The following ADAM28 variants were observed in gnomAD, a reference collection of about 807,000 sequenced individuals.
ADAM28 encodes disintegrin and metalloproteinase domain-containing protein 28.
Under a neutral mutation model 101.2 loss-of-function variants are expected in ADAM28, and 105 were observed. That is an observed-to-expected ratio of 1.04 (90% CI 0.89 to 1.22). The LOEUF is 1.22. Ranked by LOEUF, ADAM28 falls within the 50% of genes most tolerant of loss-of-function variation. ADAM28 has a pLI of 0.00. For synonymous variants in ADAM28, 322 were observed against 310.6 expected, an observed-to-expected ratio of 1.04 and a Z score of -0.39; for missense variants, 1,028 against 945.4, an observed-to-expected ratio of 1.09 and a Z score of -1.15.
intron 15 of ADAM28, chr8:24,341,314 A>C (rs1585707628): frequency 6.8e-6 from 2 of 293,566 alleles, no homozygotes; most frequent in East Asian, 1.3e-4. Flanking sequence ...GCCACCTTCT[A>C]GAATTTGTGC....
intron 1 of ADAM28, chr8:24,296,024 A>G (rs1000263464): frequency 1.3e-5 from 2 of 152,224 alleles, no homozygotes; most frequent in Admixed American, 6.5e-5. Context: ...GAACTTCACA[A>G]TCCCGAGAAA....
chr8:24,346,814 CT>C (rs1815457993), intron 18 of ADAM28: 2 of 152,034 alleles, frequency 1.3e-5, no homozygotes, highest in African/African-American at 4.8e-5. Flanking sequence ...ATTAATCTTT[CT>C]TTTGTCATAA....
chr8:24,319,336 A>G (rs943054545), intron 6 of ADAM28, among the ~76,000 whole-genome samples: 6 of 151,994 alleles, frequency 3.9e-5, no homozygotes, highest in African/African-American at 1.2e-4. Flanking sequence ...TTCACATAGT[A>G]CTGGCCACCA....
chr8:24,323,816 T>C lies in ADAM28; in HGVS notation c.721-18T>C, dbSNP rs1249029677. The C allele has an allele frequency of 5.7e-6, 9 of 1,590,432 alleles. No individual in the cohort carries two copies. Among genetic ancestry groups the C allele is most frequent in the African/African-American group, 1.4e-5 (1 of 73,478 alleles). On this transcript the variant is annotated intron_variant, in intron 8 of 22. Coordinates refer to ENST00000265769, the MANE Select transcript of ADAM28 (RefSeq NM_014265.6). ...ACCATTATAATTAATTGCTTTGCCATTTATTTTCTTTGGACAGCTTTATAA... is the reference window on the plus strand; with the variant it reads ...ACCATTATAATTAATTGCTTTGCCACTTATTTTCTTTGGACAGCTTTATAA...
At chr8:24,352,871 A>G (rs28648580) in intron 21 of ADAM28, among the ~76,000 whole-genome samples, 5,759 of 152,188 alleles carry the variant, frequency 0.038, 143 homozygotes, top group East Asian at 0.07. Flanking sequence ...CTAATTACAA[A>G]GCCAGATTTT....
Position 24,351,414 on chromosome 8 carries a change from G to T in ADAM28, c.2178+104G>T, listed in dbSNP as rs776751705. On this transcript the variant is annotated intron_variant, in intron 20 of 22. Coordinates refer to ENST00000265769, the MANE Select transcript of ADAM28 (RefSeq NM_014265.6). ...TATCATTTCTACCCAGCAGCGTTTT[G>T]CAGTAACACATTCAGAAATGTCTCC... The T allele has an allele frequency of 8.2e-5, 100 of 1,215,536 alleles. 1 individual carries two copies. The highest frequency in any genetic ancestry group is 1.9e-4 in the Middle Eastern group (1 of 5,318). 75.3% of individuals were successfully genotyped at this position (1,215,536 alleles called of 1,614,324 possible).
At chr8:24,325,550 G>A (rs998070050) in intron 9 of ADAM28, among the ~76,000 whole-genome samples, 1 of 151,882 alleles carries the variant, frequency 6.6e-6, no homozygotes, top group South Asian at 2.1e-4. Flanking sequence ...GTAGAATGAA[G>A]TATAAATAAC....
In ADAM28 at chr8:24,351,289, A is replaced by G. The variant is rs1330593581; in HGVS notation, c.2157A>G (p.Val719=). ...PHKQKRKPQM[V]KAVQPQEMSQ... ...AACAGAAGAGGAAACCCCAGATGGT[A>G]AAGGCTGTTCAACCCCAAGAGGTGA... Residue 719 remains valine, a synonymous_variant, in exon 20 of 23, where the codon GTA becomes GTG. Transcript: ENST00000265769. 6 of 1,613,330 alleles carry G rather than the reference A, an allele frequency of 3.7e-6. No individual in the cohort carries two copies. The highest frequency in any genetic ancestry group is 5.1e-6 in the Non-Finnish European group (6 of 1,179,598).
rs539821371 is a variant in ADAM28, at chr8:24,326,526, G to A, written c.891-28G>A. 26 of 1,600,376 alleles carry A rather than the reference G, an allele frequency of 1.6e-5. No individual in the cohort carries two copies. The South Asian group carries it at 2.7e-4, about 16-fold the overall frequency. On this transcript the variant is annotated intron_variant, in intron 9 of 22. Transcript: ENST00000265769. Reference sequence around the variant, plus strand: ...AAAATAGAGCTTAGCATTATAATTTGTTACATCAATTTATTCCTTTCTTGC... The same window carrying A: ...AAAATAGAGCTTAGCATTATAATTTATTACATCAATTTATTCCTTTCTTGC...
chr8:24,356,241 T>TAAA lies in ADAM28; in HGVS notation c.*1837_*1838insAAA, dbSNP rs1563338644. 1.6e-4 allele frequency: 24 copies of TAAA among 152,142 alleles called. No individual in the cohort carries two copies. The highest frequency in any genetic ancestry group is 5.8e-4 in the African/African-American group (24 of 41,400). The allele number at this position is 152,142 out of a possible 1,614,324, so 9.4% of individuals were successfully genotyped here. A position where few individuals can be genotyped will look rare whatever the true frequency, so the allele number is the denominator to read the frequency against. ...ATCCCTATTTCCTGGAAAGCCATTA[T>TAAA]GTACTCGTGACCAACTTGTGAACTT... On this transcript the variant is annotated 3_prime_UTR_variant, in exon 23 of 23. Coordinates refer to ENST00000265769, the MANE Select transcript of ADAM28 (RefSeq NM_014265.6).
rs1206555249 is a variant in ADAM28, at chr8:24,353,919, A to AACTT, written c.2307+91_2307+94dup. 4 of 940,330 alleles carry AACTT rather than the reference A, an allele frequency of 4.3e-6. No individual in the cohort carries two copies. The African/African-American group carries it at 5.0e-5, about 12-fold the overall frequency. The allele number at this position is 940,330 out of a possible 1,614,324, so 58.2% of individuals were successfully genotyped here. A position where few individuals can be genotyped will look rare whatever the true frequency, so the allele number is the denominator to read the frequency against. ...GGCCCACCATGTCTTTTTAGAAAAA[A>AACTT]ACTTACTAAGAACAGTATCTGTATG... On this transcript the variant is annotated intron_variant, in intron 22 of 22. Transcript: ENST00000265769.
intron 21 of ADAM28, among the ~76,000 whole-genome samples, chr8:24,352,848 A>G (rs1816329474): frequency 6.6e-6 from 1 of 152,134 alleles, no homozygotes; most frequent in Admixed American, 6.6e-5. Flanking sequence ...TAAATGTTTT[A>G]TCCTTTTACT....
At chr8:24,318,630 C>A (rs1432525544) in intron 6 of ADAM28, among the ~76,000 whole-genome samples, 1 of 151,846 alleles carries the variant, frequency 6.6e-6, no homozygotes, top group East Asian at 1.9e-4. Flanking sequence ...CAAACAAAAC[C>A]TACTTCTCTC....
rs1431277064 is a variant in ADAM28 at position 24,325,411 on chromosome 8, G to A, written c.891-1143G>A. On this transcript the variant is annotated intron_variant, in intron 9 of 22. Transcript: ENST00000265769. ...AAAAGAGACCTATACTTAGGTATAA[G>A]TAGGTTAAAAAAATTAGAGTCCGAA... 2.6e-5 allele frequency among the ~76,000 whole-genome samples: 4 copies of A among 151,896 alleles called. No individual in the cohort carries two copies. In the East Asian group the frequency reaches 7.7e-4, roughly 29 times the overall value.
chr8:24,337,707 G>C (rs370137398), intron 14 of ADAM28, among the ~76,000 whole-genome samples: 54 of 152,258 alleles, frequency 3.5e-4, no homozygotes, highest in East Asian at 2.1e-3. Flanking sequence ...AATTCACAGA[G>C]GATCACGTAT....
At chr8:24,346,049 A>T (rs914148505) in intron 18 of ADAM28, among the ~76,000 whole-genome samples, 1 of 152,084 alleles carries the variant, frequency 6.6e-6, no homozygotes, top group African/African-American at 2.4e-5. Flanking sequence ...AGACTGAGGA[A>T]CATTTCCTAG....
rs1413643250 is a variant in ADAM28, at chr8:24,355,024, T to C, written c.*620T>C. The C allele has an allele frequency of 6.6e-6, 1 of 152,560 alleles. No individual in the cohort carries two copies. 9.5% of individuals were successfully genotyped at this position (152,560 alleles called of 1,614,324 possible). On this transcript the variant is annotated 3_prime_UTR_variant, in exon 23 of 23. Transcript: ENST00000265769. ...GTTTTCACTTTTTAAATGGAGAAAA[T>C]TTCAGTTAAATTAATAGGATAAACC... is the stretch of plus-strand genomic sequence containing the variant.
chr8:24,310,441 G>A (rs541538426), intron 4 of ADAM28, 200 bp downstream of exon 4: 166 of 491,576 alleles, frequency 3.4e-4, no homozygotes, highest in African/African-American at 2.9e-3. Context: ...TGGCAACTCC[G>A]GTAAGTTTTT....
At chr8:24,315,569 G>A (rs1400514482) in intron 6 of ADAM28, among the ~76,000 whole-genome samples, 1 of 151,830 alleles carries the variant, frequency 6.6e-6, no homozygotes, top group African/African-American at 2.4e-5. Context: ...GAGCTGAAAA[G>A]TATCAAACAT....
Sources: allele counts gnomAD v4.1 joint callset (sites outside exome capture counted in the v4.1 genomes callset), GRCh38; gene constraint gnomAD v4.1.1; transcripts MANE v1.5; gene names NCBI Gene and HGNC (gene_info 2026-07-23, HGNC 2026-07-21).